KCTD2: variants seen among roughly 807,000 people sequenced by gnomAD.
KCTD2 encodes the protein BTB/POZ domain-containing protein KCTD2.
Under a neutral mutation model 27.9 loss-of-function variants are expected in KCTD2, and 18 were observed. The observed-to-expected ratio is 0.64, with a 90% CI of 0.45 to 0.96. KCTD2 has a LOEUF of 0.96. Among genes scored for constraint, KCTD2 ranks in the 40% least tolerant of loss-of-function variants. The probability of loss-of-function intolerance (pLI) is 0.00; values close to 1 mark genes in which losing one functional copy is unlikely to be tolerated. For synonymous variants in KCTD2, 175 were observed against 148.4 expected, an observed-to-expected ratio of 1.18 and a Z score of -1.30; for missense variants, 280 against 348.0, an observed-to-expected ratio of 0.80 and a Z score of 1.56.
At position 75,063,104 on chromosome 17, in the gene KCTD2, G is replaced by A. The variant is rs2073421517; in HGVS notation, c.*57G>A. On this transcript the variant is annotated 3_prime_UTR_variant, in exon 6 of 6. Coordinates refer to ENST00000322444, the MANE Select transcript of KCTD2 (RefSeq NM_015353.3). ...AGAGCAGTCAGCAGAGCCCCTCTGT[G>A]AAGTGAAACCTCACTCCTGTCCAGT... 4 of 1,531,674 alleles carry A rather than the reference G, an allele frequency of 2.6e-6. No homozygotes were observed. The highest frequency in any genetic ancestry group is 3.4e-4 in the Middle Eastern group (2 of 5,910). 94.9% of individuals were successfully genotyped at this position (1,531,674 alleles called of 1,614,324 possible).
At chr17:75,061,113 T>C (rs2073400066) in intron 4 of KCTD2, among the ~76,000 whole-genome samples, 1 of 152,238 alleles carries the variant, frequency 6.6e-6, no homozygotes, top group African/African-American at 2.4e-5. Context: ...TAATTTCTCA[T>C]CTTATTACTG....
chr17:75,046,083 TTGTG>T (rs904776938), upstream of KCTD2, among the ~76,000 whole-genome samples: 3 of 151,666 alleles, frequency 2.0e-5, no homozygotes, highest in Non-Finnish European at 2.9e-5. Flanking sequence ...ACAAATAACT[TTGTG>T]TGTGTGTGTG....
intron 3 of KCTD2, chr17:75,040,058 A>T: frequency 6.2e-7 from 1 of 1,611,008 alleles, no homozygotes; most frequent in Non-Finnish European, 8.5e-7. Context: ...AGATCAAGAG[A>T]ATTTTAGAAT....
intron 1 of KCTD2, chr17:75,048,937 A>G (rs941077774): frequency 1.5e-5 from 4 of 269,566 alleles, no homozygotes; most frequent in African/African-American, 8.8e-5. Flanking sequence ...TTGTCCAGGC[A>G]AAGATTGCAA....
intron 2 of KCTD2, among the ~76,000 whole-genome samples, chr17:75,051,645 C>T (rs1246223325): frequency 1.3e-5 from 2 of 151,712 alleles, no homozygotes; most frequent in Non-Finnish European, 1.5e-5. Context: ...TCCCTACCCC[C>T]ATCCTCTTGC....
At chr17:75,056,952 CTTTTTT>C (rs35875644) in intron 3 of KCTD2, among the ~76,000 whole-genome samples, 10 of 108,012 alleles carry the variant, frequency 9.3e-5, no homozygotes, top group Non-Finnish European at 1.4e-4. Flanking sequence ...TTTCTTTTTT[CTTTTTT>C]TTTTTTTTTT....
intron 1 of KCTD2, among the ~76,000 whole-genome samples, chr17:75,033,844 T>A (rs916917528): frequency 2.0e-5 from 3 of 152,212 alleles, no homozygotes; most frequent in Admixed American, 2.0e-4. Context: ...CTGTCAGGCC[T>A]TCTCTAGGAA....
rs112073620 is a variant in KCTD2, at chr17:75,060,675, G to A, written c.636+1070G>A. On this transcript the variant is annotated intron_variant, in intron 4 of 5. Transcript: ENST00000322444. ...CCAGGGAGGGCGCGCGTGCGAGGGC[G>A]GGTCAGGCTGCACTCAGGGTCTCGG... is the stretch of plus-strand genomic sequence containing the variant. The A allele has an allele frequency of 3.3e-4, 474 of 1,443,080 alleles. 2 individuals carry two copies. The African/African-American group carries it at 5.6e-3, about 17-fold the overall frequency. 89.4% of individuals were successfully genotyped at this position (1,443,080 alleles called of 1,614,324 possible).
intron 3 of KCTD2, chr17:75,039,784 T>C (rs976972836): frequency 5.4e-5 from 20 of 373,064 alleles, no homozygotes; most frequent in Admixed American, 8.6e-5. Flanking sequence ...TAAGTTTTGA[T>C]ATAGGTATCC....
rs368570853 is a variant in KCTD2 at position 75,062,207 on chromosome 17, A to G, written c.724A>G (p.Thr242Ala). ...CVVSRELNNS[T>A]NGIVIEPSEK... ...TGTCTCCAGAGAACTAAATAATTCT[A>G]CCAATGGCATCGTCATAGAGCCGAG... Residue 242 changes from threonine to alanine, a missense_variant, in exon 5 of 6, where the codon ACC becomes GCC. By Grantham distance (58) the Thr-to-Ala change is moderately conservative. Transcript: ENST00000322444. 1.1e-5 allele frequency: 18 copies of G among 1,614,022 alleles called. No individual in the cohort carries two copies. The highest frequency in any genetic ancestry group is 1.5e-5 in the Non-Finnish European group (18 of 1,179,952).
At chr17:75,036,148 G>T (rs2144904535) in intron 3 of KCTD2, 1 of 413,344 alleles carries the variant, frequency 2.4e-6, no homozygotes. Flanking sequence ...CCACCTCCTG[G>T]GTTCACGCCA....
chr17:75,042,730 A>G (rs2073173608), upstream of KCTD2: 2 of 1,442,182 alleles, frequency 1.4e-6, no homozygotes, highest in East Asian at 4.6e-5. Context: ...AATGATAAAT[A>G]ACAAAATAAG....
At chr17:75,041,866 G>C (rs2073164967) in intron 3 of KCTD2, 1 of 230,598 alleles carries the variant, frequency 4.3e-6, no homozygotes, top group African/African-American at 2.3e-5. Flanking sequence ...TGACCTCCCA[G>C]GAGCGGGGGA....
At chr17:75,040,177 G>A (rs749104132) in intron 3 of KCTD2, 16 of 1,611,798 alleles carry the variant, frequency 9.9e-6, no homozygotes, top group Non-Finnish European at 1.3e-5. Flanking sequence ...CAAACACAAG[G>A]GCACGGGAAC....
chr17:75,037,345 GAAA>G (rs56310455), intron 3 of KCTD2, among the ~76,000 whole-genome samples: 7 of 84,688 alleles, frequency 8.3e-5, no homozygotes, highest in East Asian at 2.7e-4. Context: ...TTCCATATCA[GAAA>G]AAAAAAAAAA....
chr17:75,057,083 T>C (rs1391749187), intron 3 of KCTD2, among the ~76,000 whole-genome samples: 1 of 150,824 alleles, frequency 6.6e-6, no homozygotes, highest in Non-Finnish European at 1.5e-5. Context: ...GCTTCCCGAG[T>C]AGCTAGATTA....
Position 75,032,828 on chromosome 17 carries a change from G to A in KCTD2, c.-470+104G>A, listed in dbSNP as rs1491765. ...CCCTGCAGGTTGGCCCTGGGGCAGA[G>A]TGCTGGATCCCAGCAACGGACAAGT... On this transcript the variant is annotated intron_variant, in intron 1 of 7. Coordinates refer to the KCTD2 transcript ENST00000581589. This position sits in a 1 kb window ranked among gnomAD's most constrained non-coding sequence, Gnocchi z 4.8. 0.24 allele frequency: 35,843 copies of A among 152,300 alleles called. 5,267 individuals carry two copies. Among genetic ancestry groups the A allele is most frequent in the Admixed American group, 0.37 (5,681 of 15,294 alleles). The allele number at this position is 152,300 out of a possible 1,614,324, so 9.4% of individuals were successfully genotyped here.
At chr17:75,061,151 A>G (rs1289802887) in intron 4 of KCTD2, among the ~76,000 whole-genome samples, 7 of 152,226 alleles carry the variant, frequency 4.6e-5, no homozygotes, top group Non-Finnish European at 1.0e-4. Context: ...GGGTGTTCCT[A>G]TTGCCTCCCT....
chr17:75,050,167 C>G (rs2073269847), intron 2 of KCTD2, among the ~76,000 whole-genome samples: 2 of 152,308 alleles, frequency 1.3e-5, no homozygotes, highest in South Asian at 4.2e-4. Flanking sequence ...TTCCTTGCAT[C>G]CACTATCCAG....
Sources: allele counts gnomAD v4.1 joint callset (sites outside exome capture counted in the v4.1 genomes callset), GRCh38; gene constraint gnomAD v4.1.1; non-coding constraint Gnocchi (gnomAD v3.1); transcripts MANE v1.5; gene names NCBI Gene and HGNC (gene_info 2026-07-23, HGNC 2026-07-21).